ZSWIM5: variants seen among roughly 807,000 people sequenced by gnomAD.
ZSWIM5 encodes the protein zinc finger SWIM-type containing 5, also known as zinc finger SWIM domain-containing protein 5.
ZSWIM5 carries 55 observed loss-of-function variants against 119.6 expected under a neutral mutation model. The ratio of observed to expected loss-of-function variants is 0.46; its 90% CI spans 0.37 to 0.58. The LOEUF (loss-of-function observed/expected upper bound fraction) is 0.58, where lower values mean the gene tolerates loss of function less well. ZSWIM5 is among the 20% of genes least tolerant of loss of function. The pLI is 0.00. For missense variants in ZSWIM5, 1,193 were observed against 1,512.8 expected (o/e 0.79, Z 3.51); for synonymous variants, 537 against 606.9 (o/e 0.88, Z 1.69).
intron 1 of ZSWIM5, among the ~76,000 whole-genome samples, chr1:45,133,985 C>T (rs1027714913): frequency 4.2e-4 from 64 of 152,112 alleles, no homozygotes; most frequent in Non-Finnish European, 5.6e-4. Flanking sequence ...TGTTTTGGTA[C>T]CAGTACCATG....
chr1:45,184,107 T>C (rs1220553467), intron 1 of ZSWIM5, among the ~76,000 whole-genome samples: 10 of 152,162 alleles, frequency 6.6e-5, no homozygotes, highest in African/African-American at 2.4e-4. Flanking sequence ...CACAAATCAA[T>C]AAATGTAATC....
chr1:45,051,619 GATAA>G (rs1645088961), intron 4 of ZSWIM5, among the ~76,000 whole-genome samples: 2 of 152,264 alleles, frequency 1.3e-5, no homozygotes, highest in Admixed American at 1.3e-4. Context: ...GAGGGAGACA[GATAA>G]ATAAACATAA....
intron 5 of ZSWIM5, among the ~76,000 whole-genome samples, chr1:45,050,686 T>C (rs1360089508): frequency 6.6e-6 from 1 of 152,184 alleles, no homozygotes; most frequent in African/African-American, 2.4e-5. Context: ...GTCAGGACAC[T>C]TTTTAAAATT....
chr1:45,154,272 AAAG>A (rs1279162496), intron 1 of ZSWIM5, among the ~76,000 whole-genome samples: 1 of 152,180 alleles, frequency 6.6e-6, no homozygotes, highest in African/African-American at 2.4e-5. Flanking sequence ...TGGAACCAAA[AAAG>A]AGCCCACATA....
At chr1:45,047,219 T>G (rs1167968313) in intron 5 of ZSWIM5, among the ~76,000 whole-genome samples, 1 of 152,042 alleles carries the variant, frequency 6.6e-6, no homozygotes, top group Non-Finnish European at 1.5e-5. Flanking sequence ...TGTCAAATAC[T>G]GCGGATAGGT....
At chr1:45,196,034 G>GTTTTTTTTTT (rs34236930) in intron 1 of ZSWIM5, among the ~76,000 whole-genome samples, 3,085 of 103,760 alleles carry the variant, frequency 0.03, 118 homozygotes, top group Non-Finnish European at 0.048. Flanking sequence ...CACCCAGCTA[G>GTTTTTTTTTT]TTTTTTTTTT....
chr1:45,064,114 G>A (rs1006750885), intron 2 of ZSWIM5, among the ~76,000 whole-genome samples: 3 of 151,956 alleles, frequency 2.0e-5, no homozygotes, highest in Non-Finnish European at 4.4e-5. Context: ...ATACTCCATT[G>A]CCACCTGCCG....
intron 1 of ZSWIM5, among the ~76,000 whole-genome samples, chr1:45,100,322 C>T (rs528162093): frequency 6.6e-6 from 1 of 152,194 alleles, no homozygotes; most frequent in Admixed American, 6.5e-5. Flanking sequence ...AATAAAATAC[C>T]TAGGAATCCA....
chr1:45,134,570 C>G (rs533401093), intron 1 of ZSWIM5, among the ~76,000 whole-genome samples: 3 of 152,240 alleles, frequency 2.0e-5, no homozygotes, highest in Admixed American at 2.0e-4. Flanking sequence ...GAGCAGAGTT[C>G]AAGAGAAAAT....
intron 1 of ZSWIM5, among the ~76,000 whole-genome samples, chr1:45,161,053 ACCTCAGGTGAT>A (rs1357011904): frequency 6.8e-6 from 1 of 147,756 alleles, no homozygotes; most frequent in Non-Finnish European, 1.5e-5. Context: ...TCAACCCCTG[ACCTCAGGTGAT>A]CCTCCTTCCT....
At chr1:45,046,116 T>C (rs1344974437) in intron 5 of ZSWIM5, among the ~76,000 whole-genome samples, 1 of 152,056 alleles carries the variant, frequency 6.6e-6, no homozygotes, top group Non-Finnish European at 1.5e-5. Flanking sequence ...GAGGGCCATG[T>C]AGACCATGAG....
Position 45,088,131 on chromosome 1 carries a change from T to C in ZSWIM5, c.702A>G (p.Thr234=). ...SFDRCKITSV[T]CGCGNKDIFY... ...ATATGTCCTTGTTCCCACAGCCACATGTCACTGAGGTGATTTTGCATCGAT... is the reference window on the plus strand; with the variant it reads ...ATATGTCCTTGTTCCCACAGCCACACGTCACTGAGGTGATTTTGCATCGAT... Residue 234 remains threonine, a synonymous_variant, in exon 2 of 14, where the codon ACA becomes ACG. Transcript: ENST00000359600. The surrounding 1 kb of genome is among the most constrained non-coding windows in gnomAD (Gnocchi z 4.2). 6.2e-7 allele frequency: 1 copy of C among 1,614,208 alleles called. No homozygotes were observed. The highest frequency in any genetic ancestry group is 1.1e-5 in the South Asian group (1 of 91,088).
At position 45,020,888 on chromosome 1, in the gene ZSWIM5, T is replaced by C. The variant is rs1379148773; in HGVS notation, c.2450-100A>G. ...CATTGAAATGGCTGCTATCAATTCA[T>C]TGAATGCTTCTGAATGCTACCGCCC... On this transcript the variant is annotated intron_variant, in intron 11 of 13. Coordinates refer to ENST00000359600, the MANE Select transcript of ZSWIM5 (RefSeq NM_020883.2). 35 of 1,391,300 alleles carry C rather than the reference T, an allele frequency of 2.5e-5. 1 individual carries two copies. In the Admixed American group the frequency reaches 4.5e-4, roughly 18 times the overall value. The allele number at this position is 1,391,300 out of a possible 1,614,324, so 86.2% of individuals were successfully genotyped here.
intron 1 of ZSWIM5, among the ~76,000 whole-genome samples, chr1:45,150,985 C>T (rs943485517): frequency 3.9e-5 from 6 of 152,278 alleles, no homozygotes; most frequent in East Asian, 3.9e-4. Context: ...TCAACATTCA[C>T]GGCTTCACTA....
intron 1 of ZSWIM5, among the ~76,000 whole-genome samples, chr1:45,168,192 G>A (rs1231945164): frequency 6.6e-6 from 1 of 151,992 alleles, no homozygotes; most frequent in Non-Finnish European, 1.5e-5. Context: ...GATGAAGCTG[G>A]AAACCATCAT....
intron 1 of ZSWIM5, among the ~76,000 whole-genome samples, chr1:45,100,765 T>C: frequency 6.6e-6 from 1 of 152,188 alleles, no homozygotes; most frequent in East Asian, 1.9e-4. Context: ...AACCATCTGA[T>C]CTTTGACAAA....
intron 1 of ZSWIM5, among the ~76,000 whole-genome samples, chr1:45,148,828 T>C (rs939950300): frequency 4.6e-5 from 7 of 152,256 alleles, no homozygotes; most frequent in Non-Finnish European, 8.8e-5. Flanking sequence ...GAACCCTTTA[T>C]AATATACCAA....
intron 6 of ZSWIM5, among the ~76,000 whole-genome samples, chr1:45,042,748 TATC>T (rs1320358661): frequency 3.9e-5 from 6 of 152,216 alleles, no homozygotes; most frequent in African/African-American, 1.4e-4. Context: ...TCTATCCTGT[TATC>T]ATGAACGAAG....
chr1:45,051,377 A>G, intron 4 of ZSWIM5, 124 bp from the exon 5 acceptor site: 4 of 1,044,312 alleles, frequency 3.8e-6, no homozygotes, highest in Non-Finnish European at 5.4e-6. Flanking sequence ...TCTTAATATA[A>G]AAAACTTGCT....
Sources: allele counts gnomAD v4.1 joint callset (sites outside exome capture counted in the v4.1 genomes callset), GRCh38; gene constraint gnomAD v4.1.1; non-coding constraint Gnocchi (gnomAD v3.1); transcripts MANE v1.5; gene names NCBI Gene and HGNC (gene_info 2026-07-23, HGNC 2026-07-21).